The following MRE11 variants were observed in gnomAD, a reference collection of about 807,000 sequenced individuals.
MRE11 encodes double-strand break repair protein MRE11.
A neutral mutation model predicts 91.7 loss-of-function variants in MRE11; 62 were observed. The ratio of observed to expected loss-of-function variants is 0.68; its 90% CI spans 0.55 to 0.84. The LOEUF (loss-of-function observed/expected upper bound fraction) is 0.84, where lower values mean the gene tolerates loss of function less well. Ranked by LOEUF, MRE11 falls within the 40% of genes least tolerant of loss-of-function variation. MRE11 has a pLI of 0.00. For missense variants in MRE11, 796 were observed against 852.9 expected (o/e 0.93, Z 0.83); for synonymous variants, 273 against 271.4 (o/e 1.01, Z -0.06).
intron 4 of MRE11, among the ~76,000 whole-genome samples, chr11:94,484,688 C>T (rs139251710): frequency 1.8e-4 from 28 of 152,240 alleles, no homozygotes; most frequent in African/African-American, 3.4e-4. Flanking sequence ...TGATATGATG[C>T]GACTGAAAGG....
intron 16 of MRE11, among the ~76,000 whole-genome samples, chr11:94,438,339 C>G (rs1313784748): frequency 6.6e-6 from 1 of 152,194 alleles, no homozygotes; most frequent in Non-Finnish European, 1.5e-5. Context: ...ACTAACGAAT[C>G]TTTCTATCTA....
chr11:94,498,666 G>A (rs2135163594), upstream of MRE11: 6 of 743,702 alleles, frequency 8.1e-6, no homozygotes, highest in East Asian at 1.6e-4. Flanking sequence ...TCTTCCAAGT[G>A]AATTGCCTGA....
chr11:94,441,883 A>G (rs1320451008), intron 16 of MRE11, among the ~76,000 whole-genome samples: 2 of 151,318 alleles, frequency 1.3e-5, no homozygotes, highest in African/African-American at 4.9e-5. Context: ...AGGCTAAGAC[A>G]GGAAAATTGT....
chr11:94,484,286 G>C (rs1276386715), intron 4 of MRE11, among the ~76,000 whole-genome samples: 1 of 152,016 alleles, frequency 6.6e-6, no homozygotes, highest in Admixed American at 6.5e-5. Context: ...CCTTACAAAA[G>C]AATCCCAATT....
At chr11:94,447,024 CA>C in intron 15 of MRE11, among the ~76,000 whole-genome samples, 194 bp downstream of exon 15, 1 of 152,180 alleles carries the variant, frequency 6.6e-6, no homozygotes, top group African/African-American at 2.4e-5. Flanking sequence ...TGCATGTGGC[CA>C]TTCAAAATTT....
intron 18 of MRE11, among the ~76,000 whole-genome samples, chr11:94,435,349 G>A (rs1945575894): frequency 6.6e-6 from 1 of 152,150 alleles, no homozygotes; most frequent in African/African-American, 2.4e-5. Flanking sequence ...GAGCTCAGGA[G>A]TTCAAGACCA....
At chr11:94,458,911 AC>A (rs2134986773) in intron 13 of MRE11, among the ~76,000 whole-genome samples, 1 of 152,256 alleles carries the variant, frequency 6.6e-6, no homozygotes, top group South Asian at 2.1e-4. Context: ...AGAATATTAA[AC>A]TTTTTTCTGC....
Position 94,435,864 on chromosome 11 carries a change from G to A in MRE11, c.1962C>T (p.Asp654=). 6.2e-7 allele frequency: 1 copy of A among 1,613,888 alleles called. No individual in the cohort carries two copies. Among genetic ancestry groups the A allele is most frequent in the Non-Finnish European group, 8.5e-7 (1 of 1,179,934 alleles). Residue 654 remains aspartate, a synonymous_variant, in exon 18 of 20, where the codon GAC becomes GAT. Coordinates refer to ENST00000323929, the MANE Select transcript of MRE11 (RefSeq NM_005591.4). ...IEVDESDVEE[D]IFPTTSKTDQ... ...CTGTCTTTGAAGTGGTAGGAAAAAT[G>A]TCTTCTTCCACATCTGATTCATCTA...
chr11:94,501,748 G>A, the MRE11 span, among the ~76,000 whole-genome samples: 1 of 146,456 alleles, frequency 6.8e-6, no homozygotes, highest in Non-Finnish European at 1.5e-5. Flanking sequence ...CCACCTGTGG[G>A]TCACTTTGGG....
rs141475747 is a variant in MRE11 at position 94,450,904 on chromosome 11, A to G, written c.1564-3466T>C. Among the ~76,000 whole-genome samples the G allele has an allele frequency of 2.6e-3, 393 of 152,322 alleles. 1 individual carries two copies. Among genetic ancestry groups the G allele is most frequent in the African/African-American group, 9.0e-3 (376 of 41,570 alleles). On this transcript the variant is annotated intron_variant, in intron 14 of 19. Transcript: ENST00000323929. ...AGCACTGGTCCTTTGGGACAAAACA[A>G]TAACATTAATAAAAATCACAAAGCT...
chr11:94,468,480 T>C (rs1053099425), intron 9 of MRE11, among the ~76,000 whole-genome samples: 2 of 152,222 alleles, frequency 1.3e-5, no homozygotes, highest in Non-Finnish European at 2.9e-5. Context: ...CATAAATGGC[T>C]GTGTGCACAG....
At chr11:94,506,862 T>C in the MRE11 span, among the ~76,000 whole-genome samples, 22 of 152,276 alleles carry the variant, frequency 1.4e-4, no homozygotes, top group African/African-American at 5.3e-4. Context: ...AGTGCTGGGA[T>C]TATAGGTGTG....
At chr11:94,448,705 G>T (rs914765375) in intron 14 of MRE11, among the ~76,000 whole-genome samples, 3 of 152,052 alleles carry the variant, frequency 2.0e-5, no homozygotes, top group Non-Finnish European at 4.4e-5. Flanking sequence ...CCAAGAACAT[G>T]CCACGCATTT....
chr11:94,464,032 A>T, intron 11 of MRE11, 81 bp downstream of exon 11: 1 of 1,434,356 alleles, frequency 7.0e-7, no homozygotes, highest in Non-Finnish European at 9.7e-7. Context: ...ATCTTCCATT[A>T]TTATGTTACA....
chr11:94,441,103 C>T (rs1945768142), intron 16 of MRE11, among the ~76,000 whole-genome samples: 1 of 152,170 alleles, frequency 6.6e-6, no homozygotes, highest in Non-Finnish European at 1.5e-5. Flanking sequence ...TCGCTTCCTC[C>T]CCTGCATGCC....
intron 14 of MRE11, among the ~76,000 whole-genome samples, chr11:94,452,248 T>C (rs1171447453): frequency 7.2e-6 from 1 of 139,564 alleles, no homozygotes; most frequent in Non-Finnish European, 1.6e-5. Flanking sequence ...AAAGAGAAAA[T>C]GTGGCCAAAC....
rs13447622 is a variant in MRE11, at chr11:94,476,210, T to G, written c.659+79A>C. 2,960 of 867,438 alleles carry G rather than the reference T, an allele frequency of 3.4e-3. 53 individuals are homozygous for G. The African/African-American group carries it at 0.044, about 13-fold the overall frequency. 53.7% of individuals were successfully genotyped at this position (867,438 alleles called of 1,614,324 possible). On this transcript the variant is annotated intron_variant, in intron 7 of 19. Transcript: ENST00000323929. ...ACAACCTTGAAAGATTAAGGGCATT[T>G]CACTAAAATAGGTAAGCTCAGAAAC...
intron 2 of MRE11, among the ~76,000 whole-genome samples, chr11:94,491,356 C>T (rs1436106622): frequency 6.6e-6 from 1 of 152,126 alleles, no homozygotes; most frequent in Non-Finnish European, 1.5e-5. Flanking sequence ...AAAAGCCTTC[C>T]TCTAAGTTTA....
At chr11:94,457,913 A>ACACC (rs1555008814) in intron 13 of MRE11, among the ~76,000 whole-genome samples, 6 of 146,588 alleles carry the variant, frequency 4.1e-5, no homozygotes, top group Non-Finnish European at 6.0e-5. Context: ...ACACACACAC[A>ACACC]CCCCACACAG....
Sources: gnomAD v4.1 joint callset for allele counts (sites outside exome capture counted in the v4.1 genomes callset) on GRCh38, gnomAD v4.1.1 for gene constraint, MANE v1.5 for transcripts, NCBI Gene and HGNC (gene_info 2026-07-23, HGNC 2026-07-21) for gene names.